The following TF variants were observed in gnomAD, a reference collection of about 807,000 sequenced individuals.
The protein encoded by TF is transferrin.
A neutral mutation model predicts 82.4 loss-of-function variants in TF; 55 were observed. The ratio of observed to expected loss-of-function variants is 0.67; its 90% CI spans 0.54 to 0.84. The LOEUF is 0.84. Ranked by LOEUF, TF falls within the 40% of genes least tolerant of loss-of-function variation. The pLI, the probability that TF is intolerant of heterozygous loss-of-function variation, is 0.00. For missense variants in TF, 737 were observed against 868.4 expected (o/e 0.85, Z 1.90); for synonymous variants, 332 against 332.6 (o/e 1.00, Z 0.02).
the TF span, among the ~76,000 whole-genome samples, chr3:133,700,523 A>G: frequency 6.6e-6 from 1 of 152,218 alleles, no homozygotes; most frequent in African/African-American, 2.4e-5. Flanking sequence ...GTGCTGGATC[A>G]CCAGCCTCTT....
the TF span, among the ~76,000 whole-genome samples, chr3:133,723,326 T>C: frequency 3.3e-5 from 5 of 152,140 alleles, no homozygotes; most frequent in South Asian, 2.1e-4. Flanking sequence ...TCTCTTACTA[T>C]ATTTGAGAAG....
chr3:133,738,535 A>C, the TF span, among the ~76,000 whole-genome samples: 2 of 152,216 alleles, frequency 1.3e-5, no homozygotes, highest in Non-Finnish European at 2.9e-5. Flanking sequence ...CTCTGTTTGC[A>C]GATGACGTGA....
At chr3:133,738,855 G>A in the TF span, among the ~76,000 whole-genome samples, 1 of 152,188 alleles carries the variant, frequency 6.6e-6, no homozygotes, top group African/African-American at 2.4e-5. Context: ...TCATGGATAG[G>A]AAGAATCAAT....
At chr3:133,769,759 G>A (rs1374769802) in intron 13 of TF, among the ~76,000 whole-genome samples, 3 of 152,186 alleles carry the variant, frequency 2.0e-5, no homozygotes, top group Non-Finnish European at 4.4e-5. Flanking sequence ...AGGGCCTTGT[G>A]TAGATTTTGA....
chr3:133,691,331 C>T, the TF span, among the ~76,000 whole-genome samples: 5 of 152,156 alleles, frequency 3.3e-5, no homozygotes, highest in East Asian at 1.9e-4. Context: ...CATTCACTTA[C>T]GTACCCAAGA....
chr3:133,746,823 C>A (rs749187507), intron 1 of TF, among the ~76,000 whole-genome samples: 4 of 152,228 alleles, frequency 2.6e-5, no homozygotes, highest in Non-Finnish European at 4.4e-5. Flanking sequence ...TCAAGGCCTC[C>A]CGGGTCTGAC....
the TF span, among the ~76,000 whole-genome samples, chr3:133,677,462 C>A: frequency 1.3e-5 from 2 of 152,188 alleles, no homozygotes; most frequent in Non-Finnish European, 2.9e-5. Flanking sequence ...GATGGTGAAA[C>A]CGTGTCTCTA....
At chr3:133,752,744 A>G (rs1460672215) in intron 2 of TF, among the ~76,000 whole-genome samples, 1 of 152,234 alleles carries the variant, frequency 6.6e-6, no homozygotes, top group Non-Finnish European at 1.5e-5. Flanking sequence ...CTTACTGGCT[A>G]TGTGGCCCAG....
rs761574297 is a variant in TF, at chr3:133,759,318, G to A, written c.1192G>A (p.Ala398Thr). 5 of 1,613,386 alleles carry A rather than the reference G, an allele frequency of 3.1e-6. No individual in the cohort carries two copies. Among genetic ancestry groups the A allele is most frequent in the African/African-American group, 2.7e-5 (2 of 74,816 alleles). The change falls in exon 9 of 17, where the codon GCC (alanine) becomes ACC (threonine). Residue 398 changes from alanine (A) to threonine (T), a missense_variant. Ala to Thr is a moderately conservative substitution (Grantham distance 58). Transcript: ENST00000402696. The part of the protein sequence containing the change: ...VSAETTEDCI[A>T]KIMNGEADAM... ...AGCAGAGACCACCGAAGACTGCATC[G>A]CCAAGATCATGGTATGTCACTCCAG...
At chr3:133,729,434 G>A in the TF span, among the ~76,000 whole-genome samples, 1 of 152,240 alleles carries the variant, frequency 6.6e-6, no homozygotes, top group Admixed American at 6.5e-5. Context: ...CAATCAGTGA[G>A]ACTCCGTGGG....
chr3:133,762,372 C>A (rs8177326), intron 9 of TF: 5,028 of 153,506 alleles, frequency 0.033, 223 homozygotes, highest in Admixed American at 0.11. Flanking sequence ...TGCAGTAGTC[C>A]CCCTTTATGT....
chr3:133,726,854 T>G, the TF span, among the ~76,000 whole-genome samples: 3 of 152,190 alleles, frequency 2.0e-5, no homozygotes, highest in African/African-American at 2.4e-5. Flanking sequence ...TCTGGTATGT[T>G]GTGTCTTTGT....
At chr3:133,719,501 G>T in the TF span, among the ~76,000 whole-genome samples, 2 of 152,084 alleles carry the variant, frequency 1.3e-5, no homozygotes, top group African/African-American at 4.8e-5. Context: ...TGTTCCTTGT[G>T]GTGTCTCCCT....
At chr3:133,761,193 T>C (rs1049041887) in intron 9 of TF, 2 of 213,760 alleles carry the variant, frequency 9.4e-6, no homozygotes, top group Non-Finnish European at 2.0e-5. Context: ...GAAACATCAT[T>C]ACTGGTATTA....
At chr3:133,729,118 C>A in the TF span, among the ~76,000 whole-genome samples, 1 of 152,222 alleles carries the variant, frequency 6.6e-6, no homozygotes. Context: ...AGAGGGGTCA[C>A]TTGAGGAGGC....
rs1006637096 is a variant in TF, at chr3:133,764,357, A to G, written c.1297+82A>G. 3.4e-6 allele frequency: 4 copies of G among 1,169,856 alleles called. No homozygotes were observed. The African/African-American group carries it at 6.0e-5, about 18-fold the overall frequency. The allele number at this position is 1,169,856 out of a possible 1,614,324, so 72.5% of individuals were successfully genotyped here. A position where few individuals can be genotyped will look rare whatever the true frequency, so the allele number is the denominator to read the frequency against. On this transcript the variant is annotated intron_variant, in intron 10 of 16. Coordinates refer to ENST00000402696, the MANE Select transcript of TF (RefSeq NM_001063.4). ...AGATGGAAAAATCACAGTCTGATTC[A>G]TACCACAGCTGCCATAAAGCTTTCC...
chr3:133,704,266 T>A, the TF span: 1 of 228,588 alleles, frequency 4.4e-6, no homozygotes, highest in South Asian at 7.7e-5. Flanking sequence ...AGGATTCATC[T>A]ACATAGCAGG....
At position 133,777,682 on chromosome 3, in the gene TF, T is replaced by C. The variant is rs370337937; in HGVS notation, c.2062+444T>C. 7 of 187,746 alleles carry C rather than the reference T, an allele frequency of 3.7e-5. No individual in the cohort carries two copies. The East Asian group carries it at 6.6e-4, about 18-fold the overall frequency. 11.6% of individuals were successfully genotyped at this position (187,746 alleles called of 1,614,324 possible). A position where few individuals can be genotyped will look rare whatever the true frequency, so the allele number is the denominator to read the frequency against. On this transcript the variant is annotated intron_variant, in intron 16 of 16. Coordinates refer to ENST00000402696, the MANE Select transcript of TF (RefSeq NM_001063.4). Reference sequence around the variant, plus strand: ...ATTTCAAGTGCTCAACAGCCACATGTGGCTCCATATTGGTCAGCAAAGAGA... The same window carrying C: ...ATTTCAAGTGCTCAACAGCCACATGCGGCTCCATATTGGTCAGCAAAGAGA...
At chr3:133,734,101 G>A in the TF span, among the ~76,000 whole-genome samples, 62 of 152,284 alleles carry the variant, frequency 4.1e-4, no homozygotes, top group African/African-American at 1.5e-3. Flanking sequence ...AATATCTGCA[G>A]TGCTGTTCAG....
Sources: allele counts gnomAD v4.1 joint callset (sites outside exome capture counted in the v4.1 genomes callset), GRCh38; gene constraint gnomAD v4.1.1; transcripts MANE v1.5; gene names NCBI Gene and HGNC (gene_info 2026-07-23, HGNC 2026-07-21).